The following TAB2 variants were observed in gnomAD, a reference collection of about 807,000 sequenced individuals.
TAB2 encodes the protein TGF-beta activated kinase 1 (MAP3K7) binding protein 2.
A neutral mutation model predicts 65.0 loss-of-function variants in TAB2; 3 were observed. The observed-to-expected ratio is 0.05, with a 90% confidence interval of 0.02 to 0.12. TAB2 has a LOEUF of 0.12. Among genes scored for constraint, TAB2 ranks in the 10% least tolerant of loss-of-function variants. The pLI, the probability that TAB2 is intolerant of heterozygous loss-of-function variation, is 1.00. For missense variants in TAB2, 623 were observed against 840.3 expected (o/e 0.74, Z 3.20); for synonymous variants, 298 against 285.1 (o/e 1.05, Z -0.46).
chr6:149,246,316 T>C (rs1020366944), intron 1 of TAB2: 3 of 152,206 alleles, frequency 2.0e-5, no homozygotes, highest in Non-Finnish European at 2.9e-5. Context: ...GGCCTAAAAT[T>C]TCAAATTGTG....
intron 1 of TAB2, among the ~76,000 whole-genome samples, chr6:149,336,902 G>A (rs1051102469): frequency 7.2e-5 from 10 of 138,264 alleles, no homozygotes; most frequent in Admixed American, 2.3e-4. Context: ...ATACAATTTA[G>A]AGGGCTGCAT....
rs1292541852 is a variant in TAB2 at position 149,400,592 on chromosome 6, C to A, written c.1939+1408C>A. On this transcript the variant is annotated intron_variant, in intron 6 of 6. Transcript: ENST00000637181. ...GATTCCGATTTGGTGGGCAACCAAT[C>A]AGTGGAACAGACAAACCTGCACAGT... The A allele has an allele frequency of 3.1e-6, 5 of 1,614,072 alleles. No individual in the cohort carries two copies. In the African/African-American group the frequency reaches 4.0e-5, roughly 13 times the overall value.
At chr6:149,233,885 C>A (rs1323324880) in intron 1 of TAB2, among the ~76,000 whole-genome samples, 2 of 152,192 alleles carry the variant, frequency 1.3e-5, no homozygotes, top group Admixed American at 6.5e-5. Flanking sequence ...TTTTTTACCA[C>A]CATGAAGCCC....
chr6:149,296,226 C>T (rs1311739998), intron 1 of TAB2, among the ~76,000 whole-genome samples: 2 of 152,328 alleles, frequency 1.3e-5, no homozygotes, highest in South Asian at 2.1e-4. Flanking sequence ...GGGATTTGAA[C>T]GGAGCTGGTT....
At chr6:149,296,276 A>G (rs905964097) in intron 1 of TAB2, among the ~76,000 whole-genome samples, 3 of 152,158 alleles carry the variant, frequency 2.0e-5, no homozygotes, top group Non-Finnish European at 2.9e-5. Context: ...AGCCCTTTGA[A>G]GTCTCAGCTT....
chr6:149,230,788 A>G (rs1042625077), intron 1 of TAB2, among the ~76,000 whole-genome samples: 2 of 152,234 alleles, frequency 1.3e-5, no homozygotes, highest in African/African-American at 4.8e-5. Flanking sequence ...GTCTATTTTC[A>G]TTCTAGCTAT....
intron 1 of TAB2, among the ~76,000 whole-genome samples, chr6:149,234,117 A>T (rs1414377639): frequency 6.6e-6 from 1 of 152,208 alleles, no homozygotes; most frequent in Non-Finnish European, 1.5e-5. Flanking sequence ...TGAACAAGAC[A>T]CCTATGACTC....
chr6:149,396,442 G>C (rs1479826548), intron 3 of TAB2, among the ~76,000 whole-genome samples: 2 of 152,176 alleles, frequency 1.3e-5, no homozygotes, highest in African/African-American at 4.8e-5. Context: ...AACTGTCTTT[G>C]TATGTAATCT....
At chr6:149,251,045 C>A (rs1320278077) in intron 1 of TAB2, among the ~76,000 whole-genome samples, 4 of 152,204 alleles carry the variant, frequency 2.6e-5, no homozygotes, top group Non-Finnish European at 5.9e-5. Flanking sequence ...CCCTCTTTCT[C>A]CATTTTCATT....
At chr6:149,315,767 T>C (rs1452280865), upstream of TAB2, among the ~76,000 whole-genome samples, 1 of 152,234 alleles carries the variant, frequency 6.6e-6, no homozygotes, top group Middle Eastern at 3.2e-3. Context: ...TGGGTTTGTC[T>C]GATGCTTCCT....
intron 1 of TAB2, among the ~76,000 whole-genome samples, chr6:149,241,899 C>G (rs1442170003): frequency 6.6e-6 from 1 of 152,132 alleles, no homozygotes; most frequent in East Asian, 1.9e-4. Flanking sequence ...CCTTCCAGCC[C>G]GTGCCTCCTC....
intron 1 of TAB2, among the ~76,000 whole-genome samples, chr6:149,369,108 G>A (rs1031435664): frequency 6.6e-6 from 1 of 152,012 alleles, no homozygotes; most frequent in Non-Finnish European, 1.5e-5. Context: ...TTTTCAAATA[G>A]CATGATTTTA....
intron 1 of TAB2, among the ~76,000 whole-genome samples, chr6:149,224,608 C>T (rs1777227370): frequency 6.6e-6 from 1 of 152,170 alleles, no homozygotes; most frequent in African/African-American, 2.4e-5. Context: ...ATTCATCCTG[C>T]TAAAGTCTGG....
At chr6:149,294,917 G>C (rs934065265) in intron 1 of TAB2, among the ~76,000 whole-genome samples, 1 of 152,148 alleles carries the variant, frequency 6.6e-6, no homozygotes, top group Admixed American at 6.5e-5. Flanking sequence ...AAAATGTTAT[G>C]AAAATATAAG....
intron 1 of TAB2, among the ~76,000 whole-genome samples, chr6:149,362,353 A>G (rs1780879229): frequency 6.6e-6 from 1 of 152,216 alleles, no homozygotes; most frequent in Non-Finnish European, 1.5e-5. Flanking sequence ...GCTATGGCAG[A>G]AGGCAAAGGG....
chr6:149,264,057 A>G (rs995177442), intron 1 of TAB2, among the ~76,000 whole-genome samples: 2 of 152,212 alleles, frequency 1.3e-5, no homozygotes, highest in African/African-American at 2.4e-5. Context: ...ATGGGAATTC[A>G]GAGACGCACA....
At chr6:149,295,486 C>T (rs559843483) in intron 1 of TAB2, among the ~76,000 whole-genome samples, 8 of 152,310 alleles carry the variant, frequency 5.3e-5, no homozygotes, top group Admixed American at 3.3e-4. Flanking sequence ...TCTCTGTCCC[C>T]TCCTTCTGGA....
At chr6:149,293,776 A>G (rs960569668) in intron 1 of TAB2, among the ~76,000 whole-genome samples, 3 of 152,230 alleles carry the variant, frequency 2.0e-5, no homozygotes, top group Non-Finnish European at 4.4e-5. Context: ...CACAGATAAT[A>G]CAACCTCATT....
chr6:149,354,370 A>G (rs1249304006), intron 1 of TAB2, among the ~76,000 whole-genome samples: 1 of 152,192 alleles, frequency 6.6e-6, no homozygotes, highest in Non-Finnish European at 1.5e-5. Context: ...CATGTCATAA[A>G]ATGTAATCTC....
Sources: gnomAD v4.1 joint callset for allele counts (sites outside exome capture counted in the v4.1 genomes callset) on GRCh38, gnomAD v4.1.1 for gene constraint, MANE v1.5 for transcripts, NCBI Gene and HGNC (gene_info 2026-07-23, HGNC 2026-07-21) for gene names.